SAR1A: variants seen among roughly 807,000 people sequenced by gnomAD.
The protein encoded by SAR1A is small COPII coat GTPase SAR1A.
Under a neutral mutation model 22.6 loss-of-function variants are expected in SAR1A, and 6 were observed. The observed-to-expected ratio is 0.27, with a 90% CI of 0.15 to 0.52. SAR1A has a LOEUF of 0.52. Ranked by LOEUF, SAR1A falls within the 20% of genes least tolerant of loss-of-function variation. The pLI is 0.96. For missense variants in SAR1A, 145 were observed against 245.1 expected (o/e 0.59, Z 2.73); for synonymous variants, 70 against 82.2 (o/e 0.85, Z 0.80).
intron 5 of SAR1A, among the ~76,000 whole-genome samples, chr10:70,156,739 G>GT (rs1274578395): frequency 1.3e-5 from 2 of 150,444 alleles, no homozygotes; most frequent in African/African-American, 4.9e-5. Flanking sequence ...TGGAGCTATA[G>GT]ATGTGAGAAA....
At position 70,148,395 on chromosome 10, in the gene SAR1A, G is replaced by A. The variant is rs2136704346; in HGVS notation, c.*4081C>T. 6.6e-6 allele frequency: 1 copy of A among 152,214 alleles called. No individual in the cohort carries two copies. Among genetic ancestry groups the A allele is most frequent in the East Asian group, 1.9e-4 (1 of 5,182 alleles). The allele number at this position is 152,214 out of a possible 1,614,324, so 9.4% of individuals were successfully genotyped here. A position where few individuals can be genotyped will look rare whatever the true frequency, so the allele number is the denominator to read the frequency against. On this transcript the variant is annotated 3_prime_UTR_variant, in exon 7 of 7. Coordinates refer to ENST00000373241, the MANE Select transcript of SAR1A (RefSeq NM_020150.5). ...TAGTATGAGGCAGGAATAAAATTAG[G>A]CCATCTTGCCATAGCAGGCGGTCTT... is the stretch of plus-strand genomic sequence containing the variant.
chr10:70,154,830 A>G (rs1035505932), intron 5 of SAR1A, among the ~76,000 whole-genome samples: 12 of 152,254 alleles, frequency 7.9e-5, no homozygotes, highest in Non-Finnish European at 1.6e-4. Context: ...TGGGAACTGA[A>G]TATTAACATT....
intron 4 of SAR1A, among the ~76,000 whole-genome samples, chr10:70,158,987 C>T (rs1015288051): frequency 4.6e-5 from 7 of 152,130 alleles, no homozygotes; most frequent in Non-Finnish European, 8.8e-5. Flanking sequence ...AACCATCTGG[C>T]GTCTGGTCCT....
intron 1 of SAR1A, among the ~76,000 whole-genome samples, chr10:70,170,107 A>C (rs1266963206): frequency 2.0e-5 from 3 of 152,120 alleles, no homozygotes; most frequent in Admixed American, 6.5e-5. Context: ...GACAGAGGAC[A>C]TGGAGCCATT....
At chr10:70,169,132 T>C (rs1290094967) in intron 1 of SAR1A, among the ~76,000 whole-genome samples, 2 of 152,204 alleles carry the variant, frequency 1.3e-5, no homozygotes, top group Non-Finnish European at 2.9e-5. Context: ...ACTCCTAGTT[T>C]TGCTGAGTCC....
chr10:70,160,854 T>A, intron 4 of SAR1A, 150 bp downstream of exon 4: 2 of 569,546 alleles, frequency 3.5e-6, no homozygotes, highest in Non-Finnish European at 6.2e-6. Context: ...AAAAAATAAA[T>A]GAATAAAACA....
chr10:70,163,997 A>T, intron 1 of SAR1A: 6 of 1,045,680 alleles, frequency 5.7e-6, no homozygotes, highest in Non-Finnish European at 7.6e-6. Context: ...GTGGTGTAGA[A>T]CTTCACCATG....
Position 70,152,636 on chromosome 10 carries a change from G to T in SAR1A, c.481-44C>A, listed in dbSNP as rs779223047. The T allele has an allele frequency of 7.1e-6, 9 of 1,269,298 alleles. No individual in the cohort carries two copies. In the South Asian group the frequency reaches 8.3e-5, roughly 12 times the overall value. 78.6% of individuals were successfully genotyped at this position (1,269,298 alleles called of 1,614,324 possible). A position where few individuals can be genotyped will look rare whatever the true frequency, so the allele number is the denominator to read the frequency against. On this transcript the variant is annotated intron_variant, in intron 6 of 6. Transcript: ENST00000373241. ...AGAAAGGCCTGTTAGCATCTCTGTG[G>T]TGGAAAAGATTGAAAGGACGATCAT...
intron 1 of SAR1A, among the ~76,000 whole-genome samples, chr10:70,169,422 C>A (rs1380279957): frequency 6.6e-6 from 1 of 152,190 alleles, no homozygotes; most frequent in Non-Finnish European, 1.5e-5. Context: ...TACCACCTTA[C>A]GAGAAGTTAA....
chr10:70,164,322 G>A (rs1325130462), intron 1 of SAR1A, among the ~76,000 whole-genome samples: 1 of 152,212 alleles, frequency 6.6e-6, no homozygotes, highest in Admixed American at 6.5e-5. Context: ...AACTGATGAA[G>A]TAACATGTTG....
In SAR1A at chr10:70,152,221, A is replaced by G; in HGVS notation, c.*255T>C. ...GTGCCCCATGATGGCATACAGCTTT[A>G]CCCGGCAAATCCTGCCAGCTTCCAA... On this transcript the variant is annotated 3_prime_UTR_variant, in exon 7 of 7. Transcript: ENST00000373241. 1.5e-6 allele frequency: 1 copy of G among 687,510 alleles called. No individual in the cohort carries two copies. Among genetic ancestry groups the G allele is most frequent in the East Asian group, 3.9e-5 (1 of 25,626 alleles). 42.6% of individuals were successfully genotyped at this position (687,510 alleles called of 1,614,324 possible).
chr10:70,165,557 T>C (rs1362436557), intron 1 of SAR1A, among the ~76,000 whole-genome samples: 1 of 152,166 alleles, frequency 6.6e-6, no homozygotes, highest in Non-Finnish European at 1.5e-5. Flanking sequence ...GAATTAGAAG[T>C]AGAGCCTGAA....
chr10:70,156,117 AG>A (rs535802136), intron 5 of SAR1A, among the ~76,000 whole-genome samples: 4 of 152,302 alleles, frequency 2.6e-5, no homozygotes, highest in African/African-American at 9.6e-5. Flanking sequence ...AATCAGTAGT[AG>A]GAGTTGTCGA....
chr10:70,158,590 G>C (rs931699549), intron 4 of SAR1A, among the ~76,000 whole-genome samples: 11 of 152,156 alleles, frequency 7.2e-5, no homozygotes, highest in Admixed American at 6.5e-4. Flanking sequence ...CCTTGCAATA[G>C]AATGAATAAC....
chr10:70,148,912 G>A lies in SAR1A; in HGVS notation c.*3564C>T, dbSNP rs1839295536. The A allele has an allele frequency of 6.6e-6, 1 of 152,286 alleles. No homozygotes were observed. The highest frequency in any genetic ancestry group is 2.4e-5 in the African/African-American group (1 of 41,414). 9.4% of individuals were successfully genotyped at this position (152,286 alleles called of 1,614,324 possible). A position where few individuals can be genotyped will look rare whatever the true frequency, so the allele number is the denominator to read the frequency against. ...TTTTTCTGTGTTTACAGCAGACCATGGTAAAAAGAAGTCCCAAGTCACAGC... is the reference window on the plus strand; with the variant it reads ...TTTTTCTGTGTTTACAGCAGACCATAGTAAAAAGAAGTCCCAAGTCACAGC... On this transcript the variant is annotated 3_prime_UTR_variant, in exon 7 of 7. Coordinates refer to ENST00000373241, the MANE Select transcript of SAR1A (RefSeq NM_020150.5).
chr10:70,168,584 AC>A (rs1220409450), intron 1 of SAR1A, among the ~76,000 whole-genome samples: 1 of 151,912 alleles, frequency 6.6e-6, no homozygotes, highest in African/African-American at 2.4e-5. Context: ...AAGAGCAAAA[AC>A]TCCATCTCAA....
intron 1 of SAR1A, among the ~76,000 whole-genome samples, chr10:70,165,838 T>C (rs1392653801): frequency 1.3e-5 from 2 of 152,232 alleles, no homozygotes; most frequent in Admixed American, 1.3e-4. Context: ...CAGCATTGCA[T>C]GCTACAGAGA....
chr10:70,161,546 A>T, intron 3 of SAR1A, 73 bp downstream of exon 3: 1 of 1,558,864 alleles, frequency 6.4e-7, no homozygotes, highest in Non-Finnish European at 8.7e-7. Flanking sequence ...AACTCCACCA[A>T]CTAGGGATTC....
intron 4 of SAR1A, among the ~76,000 whole-genome samples, chr10:70,158,401 C>G (rs1839422121): frequency 6.6e-6 from 1 of 152,340 alleles, no homozygotes; most frequent in Admixed American, 6.5e-5. Context: ...CTGCTCAGCC[C>G]TTAGGGAGAC....
Sources: allele counts gnomAD v4.1 joint callset (sites outside exome capture counted in the v4.1 genomes callset), GRCh38; gene constraint gnomAD v4.1.1; transcripts MANE v1.5; gene names NCBI Gene and HGNC (gene_info 2026-07-23, HGNC 2026-07-21).